The following SLC30A4 variants were observed in gnomAD, a reference collection of about 807,000 sequenced individuals.
SLC30A4 encodes solute carrier family 30 member 4, also known as probable proton-coupled zinc antiporter SLC30A4.
SLC30A4 carries 20 observed loss-of-function variants against 41.7 expected under a neutral mutation model. The observed-to-expected ratio is 0.48, with a 90% confidence interval of 0.34 to 0.70. The LOEUF is 0.70. SLC30A4 is among the 30% of genes least tolerant of loss of function. SLC30A4 has a pLI of 0.01. For synonymous variants in SLC30A4, 181 were observed against 195.9 expected, an observed-to-expected ratio of 0.92 and a Z score of 0.64; for missense variants, 441 against 529.3, an observed-to-expected ratio of 0.83 and a Z score of 1.64.
At position 45,494,460 on chromosome 15, in the gene SLC30A4, G is replaced by A. The variant is rs1012801647; in HGVS notation, c.539-3579C>T. Among the ~76,000 whole-genome samples the A allele has an allele frequency of 1.1e-4, 16 of 152,244 alleles. No individual in the cohort carries two copies. In the East Asian group the frequency reaches 1.3e-3, roughly 13 times the overall value. The stretch of plus-strand genomic sequence containing the variant: ...AGCACTTTGGGAGGCCCAGGTGGGC[G>A]GATCACCTGAGGTCAGGAGTTCGAG... On this transcript the variant is annotated intron_variant, in intron 3 of 7. Transcript: ENST00000261867.
chr15:45,491,607 G>A (rs1007549775), intron 3 of SLC30A4, among the ~76,000 whole-genome samples: 6 of 152,120 alleles, frequency 3.9e-5, no homozygotes, highest in African/African-American at 1.2e-4. Flanking sequence ...ATGTGCCAAC[G>A]TTGTAACAAG....
chr15:45,499,081 A>ATTTT (rs58257947), intron 3 of SLC30A4, among the ~76,000 whole-genome samples: 1 of 132,902 alleles, frequency 7.5e-6, no homozygotes, highest in South Asian at 2.4e-4. Context: ...GCCTAGGCTG[A>ATTTT]TTTTTTTTTT....
intron 2 of SLC30A4, among the ~76,000 whole-genome samples, chr15:45,519,058 T>TAC (rs1892584740): frequency 6.6e-6 from 1 of 151,238 alleles, no homozygotes. Flanking sequence ...TTTTTGTATT[T>TAC]TTAGTAGAGA....
chr15:45,516,112 T>C (rs1156898309), intron 2 of SLC30A4, among the ~76,000 whole-genome samples: 1 of 152,194 alleles, frequency 6.6e-6, no homozygotes, highest in South Asian at 2.1e-4. Flanking sequence ...GGATACGTGA[T>C]CTTTTATCTC....
At chr15:45,493,855 T>C (rs1036049245) in intron 3 of SLC30A4, among the ~76,000 whole-genome samples, 11 of 151,772 alleles carry the variant, frequency 7.2e-5, no homozygotes, top group Non-Finnish European at 8.8e-5. Flanking sequence ...AACACTCCTA[T>C]AAAAACCTAT....
rs1891663135 is a variant in SLC30A4 at position 45,484,654 on chromosome 15, A to T, written c.*509T>A. 1 of 152,472 alleles carries T rather than the reference A, an allele frequency of 6.6e-6. No individual in the cohort carries two copies. Among genetic ancestry groups the T allele is most frequent in the Non-Finnish European group, 1.5e-5 (1 of 68,232 alleles). The allele number at this position is 152,472 out of a possible 1,614,324, so 9.4% of individuals were successfully genotyped here. A position where few individuals can be genotyped will look rare whatever the true frequency, so the allele number is the denominator to read the frequency against. ...CTGAAACACTTAGGAATACATGCTT[A>T]TTCCACTTTTGGGATAACTACTAGT... is the stretch of plus-strand genomic sequence containing the variant. On this transcript the variant is annotated 3_prime_UTR_variant, in exon 8 of 8. Transcript: ENST00000261867.
At position 45,522,334 on chromosome 15, in the gene SLC30A4, C is replaced by G. The variant is rs1377504169; in HGVS notation, c.21G>C (p.Trp7Cys). 6.2e-7 allele frequency: 1 copy of G among 1,612,128 alleles called. No homozygotes were observed. Among genetic ancestry groups the G allele is most frequent in the African/African-American group, 1.3e-5 (1 of 74,786 alleles). The change falls in exon 2 of 8, where the codon TGG (tryptophan) becomes TGC (cysteine). Residue 7 changes from tryptophan to cysteine, a missense_variant. Physicochemically the swap from Trp to Cys is radical, Grantham distance 215. Transcript: ENST00000261867. ...TCCTTAGCATAGATTTGAGGCGCTT[C>G]CACGCGCCAGAGCCGGCCATGGCAG... MAGSGA[W>C]KRLKSMLRKD... is the part of the protein sequence containing the mutation.
chr15:45,517,293 T>C (rs925440845), intron 2 of SLC30A4, among the ~76,000 whole-genome samples: 1 of 151,052 alleles, frequency 6.6e-6, no homozygotes, highest in Admixed American at 6.6e-5. Context: ...TGACCTCTCT[T>C]CTAACCACAG....
chr15:45,502,053 T>C (rs572149064), intron 3 of SLC30A4: 1 of 152,228 alleles, frequency 6.6e-6, no homozygotes, highest in Non-Finnish European at 1.5e-5. Flanking sequence ...GGTGATTTCA[T>C]TGTAAAAACA....
At chr15:45,499,614 G>A (rs2140828507) in intron 3 of SLC30A4, among the ~76,000 whole-genome samples, 1 of 152,258 alleles carries the variant, frequency 6.6e-6, no homozygotes, top group Non-Finnish European at 1.5e-5. Flanking sequence ...TCTTTAGAAT[G>A]GCATTTCCTC....
chr15:45,487,709 T>C, intron 5 of SLC30A4, 77 bp from the exon 6 acceptor site: 1 of 696,480 alleles, frequency 1.4e-6, no homozygotes, highest in South Asian at 1.8e-5. Context: ...AAGGAATATG[T>C]CCCTTCTTGC....
intron 3 of SLC30A4, among the ~76,000 whole-genome samples, chr15:45,510,527 G>C: frequency 6.6e-6 from 1 of 152,092 alleles, no homozygotes; most frequent in South Asian, 2.1e-4. Flanking sequence ...TAATAGTTCA[G>C]GTAATTATTT....
intron 3 of SLC30A4, among the ~76,000 whole-genome samples, chr15:45,494,895 A>G (rs1183101093): frequency 6.6e-6 from 1 of 152,102 alleles, no homozygotes; most frequent in Non-Finnish European, 1.5e-5. Flanking sequence ...GTGGTGGCTC[A>G]CACCTGTAAT....
intron 1 of SLC30A4, 52 bp from the exon 2 acceptor site, chr15:45,522,520 A>G: frequency 1.5e-6 from 1 of 670,780 alleles, no homozygotes; most frequent in Non-Finnish European, 2.3e-6. Flanking sequence ...CCTGTCCTCA[A>G]GTTCCGAAGC....
rs777569091 is a variant in SLC30A4 at position 45,484,027 on chromosome 15, G to A, written c.*1136C>T. The A allele has an allele frequency of 6.6e-6, 1 of 152,454 alleles. No individual in the cohort carries two copies. The highest frequency in any genetic ancestry group is 1.9e-4 in the East Asian group (1 of 5,206). The allele number at this position is 152,454 out of a possible 1,614,324, so 9.4% of individuals were successfully genotyped here. A position where few individuals can be genotyped will look rare whatever the true frequency, so the allele number is the denominator to read the frequency against. ...GTATTTTAGGGTTTCTGGAGTCCAT[G>A]GAGAATCCCTAACCCATATCATAAA... is the stretch of plus-strand genomic sequence containing the variant. On this transcript the variant is annotated 3_prime_UTR_variant, in exon 8 of 8. Transcript: ENST00000261867.
chr15:45,518,718 A>C (rs1199812715), intron 2 of SLC30A4, among the ~76,000 whole-genome samples: 1 of 151,768 alleles, frequency 6.6e-6, no homozygotes, highest in East Asian at 1.9e-4. Context: ...ACGCACTACC[A>C]AGTCAGGCTA....
At chr15:45,495,774 G>C (rs1384341228) in intron 3 of SLC30A4, among the ~76,000 whole-genome samples, 4 of 152,174 alleles carry the variant, frequency 2.6e-5, no homozygotes, top group African/African-American at 9.6e-5. Flanking sequence ...TCACTCACAT[G>C]AGAAGGATAA....
At chr15:45,502,641 C>G (rs1048563326) in intron 3 of SLC30A4, 16 of 152,488 alleles carry the variant, frequency 1.0e-4, no homozygotes, top group African/African-American at 2.9e-4. Context: ...CTTGGCCTCC[C>G]AAAGTGCTGC....
In SLC30A4 at chr15:45,487,464, CCT is replaced by C. The variant is rs564201237; in HGVS notation, c.1000+61_1000+62del. 8.3e-4 allele frequency: 675 copies of C among 815,218 alleles called. 5 individuals are homozygous for C. In the South Asian group the frequency reaches 9.6e-3, roughly 12 times the overall value. 50.5% of individuals were successfully genotyped at this position (815,218 alleles called of 1,614,324 possible). A position where few individuals can be genotyped will look rare whatever the true frequency, so the allele number is the denominator to read the frequency against. On this transcript the variant is annotated intron_variant, in intron 6 of 7. Transcript: ENST00000261867. The stretch of plus-strand genomic sequence containing the variant: ...GATGTAATTCCTATTCAGAATGTCC[CCT>C]GACTCCCAATCTGCTTTAGGGAAGT...
Sources: allele counts gnomAD v4.1 joint callset (sites outside exome capture counted in the v4.1 genomes callset), GRCh38; gene constraint gnomAD v4.1.1; transcripts MANE v1.5; gene names NCBI Gene and HGNC (gene_info 2026-07-23, HGNC 2026-07-21).